The following RNF216 variants were observed in gnomAD, a reference collection of about 807,000 sequenced individuals.
RNF216 encodes ring finger protein 216.
In RNF216, 72 loss-of-function variants were observed where a neutral mutation model predicts 110.8. The observed-to-expected ratio is 0.65, with a 90% CI of 0.54 to 0.79. RNF216 has a LOEUF of 0.79. Ranked by LOEUF, RNF216 falls within the 30% of genes least tolerant of loss-of-function variation. The probability of loss-of-function intolerance (pLI) is 0.00; values close to 1 mark genes in which losing one functional copy is unlikely to be tolerated. For missense variants in RNF216, 1,342 were observed against 1,141.2 expected (o/e 1.18, Z -2.54); for synonymous variants, 495 against 407.5 (o/e 1.21, Z -2.59).
At chr7:5,727,527 G>C (rs1793834279) in intron 7 of RNF216, among the ~76,000 whole-genome samples, 1 of 152,140 alleles carries the variant, frequency 6.6e-6, no homozygotes, top group South Asian at 2.1e-4. Flanking sequence ...AGGAGTTCAA[G>C]ACCAGCCTGC....
chr7:5,781,217 A>G (rs1317043753), intron 1 of RNF216, among the ~76,000 whole-genome samples: 1 of 152,062 alleles, frequency 6.6e-6, no homozygotes, highest in Non-Finnish European at 1.5e-5. Flanking sequence ...GGGGGAGGGA[A>G]GCGCGGTCTC....
At chr7:5,738,665 A>G (rs1198592477) in intron 5 of RNF216, among the ~76,000 whole-genome samples, 3 of 136,028 alleles carry the variant, frequency 2.2e-5, no homozygotes, top group Non-Finnish European at 4.6e-5. Context: ...CCGAGATCGC[A>G]CCACTGGACT....
At chr7:5,636,757 T>A (rs1787420417) in intron 15 of RNF216, among the ~76,000 whole-genome samples, 2 of 152,194 alleles carry the variant, frequency 1.3e-5, no homozygotes, top group South Asian at 4.1e-4. Context: ...TTGGAGGGAT[T>A]TGTATTTGCC....
chr7:5,764,668 C>A (rs753645952), intron 1 of RNF216, among the ~76,000 whole-genome samples: 13 of 151,328 alleles, frequency 8.6e-5, no homozygotes, highest in Non-Finnish European at 1.8e-4. Context: ...AAAGACTCTT[C>A]ATAAGAAGCA....
At chr7:5,716,512 T>C (rs527257848) in intron 10 of RNF216, among the ~76,000 whole-genome samples, 9 of 152,148 alleles carry the variant, frequency 5.9e-5, no homozygotes, top group Admixed American at 3.9e-4. Context: ...GAACATCTAT[T>C]ATCTTCCCTT....
chr7:5,722,628 G>A (rs1429760703), intron 8 of RNF216, among the ~76,000 whole-genome samples: 2 of 151,848 alleles, frequency 1.3e-5, no homozygotes, highest in Non-Finnish European at 1.5e-5. Context: ...CCGACCTCGT[G>A]ATCCGCCTGC....
chr7:5,639,690 C>T (rs1001299876), intron 15 of RNF216, among the ~76,000 whole-genome samples: 5 of 152,006 alleles, frequency 3.3e-5, no homozygotes, highest in African/African-American at 1.2e-4. Context: ...GAACTCCTGA[C>T]CTCAGGTGAT....
At position 5,752,983 on chromosome 7, in the gene RNF216, C is replaced by A; in HGVS notation, c.68-4G>T. ...CCATCTCGGAGATTGATCCACTCTA[C>A]AGGAAAGCAGAGAACACTGTTACTG... On this transcript the variant is annotated splice_region_variant and splice_polypyrimidine_tract_variant and intron_variant, in intron 2 of 16. Transcript: ENST00000389902. 1 of 1,606,486 alleles carries A rather than the reference C, an allele frequency of 6.2e-7. No homozygotes were observed.
At chr7:5,648,892 C>T (rs1788213566) in intron 14 of RNF216, among the ~76,000 whole-genome samples, 5 of 152,048 alleles carry the variant, frequency 3.3e-5, no homozygotes. Flanking sequence ...CTGCAGTACA[C>T]ATGTAAAGCT....
chr7:5,739,598 T>C, intron 4 of RNF216: 1 of 583,428 alleles, frequency 1.7e-6, no homozygotes. Context: ...CATTCTTCAT[T>C]GCTTCAACAA....
intron 13 of RNF216, among the ~76,000 whole-genome samples, chr7:5,682,410 TTC>T (rs1487348324): frequency 6.6e-6 from 1 of 151,394 alleles, no homozygotes; most frequent in South Asian, 2.1e-4. Flanking sequence ...TTCATTTTTT[TTC>T]TTTTTTTTTT....
chr7:5,669,759 T>C (rs571709550), intron 13 of RNF216, among the ~76,000 whole-genome samples: 105 of 152,210 alleles, frequency 6.9e-4, no homozygotes, highest in Non-Finnish European at 1.2e-3. Flanking sequence ...CGACATGGTG[T>C]TGTGCACTTG....
chr7:5,737,075 A>G (rs1325996022), intron 5 of RNF216, among the ~76,000 whole-genome samples: 1 of 152,278 alleles, frequency 6.6e-6, no homozygotes, highest in African/African-American at 2.4e-5. Flanking sequence ...GCTGTGTCGA[A>G]TAGAAAAGGG....
intron 15 of RNF216, among the ~76,000 whole-genome samples, chr7:5,627,540 G>A (rs555258014): frequency 1.3e-5 from 2 of 152,302 alleles, no homozygotes; most frequent in East Asian, 3.9e-4. Flanking sequence ...GAGGTCAGGA[G>A]ATAGAGATCA....
chr7:5,679,429 G>A (rs1199117259), intron 13 of RNF216, among the ~76,000 whole-genome samples: 5 of 152,246 alleles, frequency 3.3e-5, no homozygotes, highest in East Asian at 1.9e-4. Context: ...GGATGCAGGC[G>A]CTGAGCGCAC....
intron 1 of RNF216, among the ~76,000 whole-genome samples, 154 bp downstream of exon 1, chr7:5,781,387 C>T (rs1020731362): frequency 1.3e-5 from 2 of 151,886 alleles, no homozygotes; most frequent in African/African-American, 4.8e-5. Context: ...CCCGATCCCG[C>T]CCGGGCCTCG....
chr7:5,655,878 C>G (rs1294728868), intron 13 of RNF216, among the ~76,000 whole-genome samples: 1 of 151,868 alleles, frequency 6.6e-6, no homozygotes, highest in African/African-American at 2.4e-5. Context: ...TTTTTTTGAG[C>G]CAGGGTCTCA....
At chr7:5,753,463 T>C (rs890292558) in intron 2 of RNF216, among the ~76,000 whole-genome samples, 1 of 152,258 alleles carries the variant, frequency 6.6e-6, no homozygotes, top group South Asian at 2.1e-4. Flanking sequence ...CAAACCTATG[T>C]CAATGCTTTA....
At chr7:5,679,256 G>A (rs1367542900) in intron 13 of RNF216, among the ~76,000 whole-genome samples, 1 of 152,194 alleles carries the variant, frequency 6.6e-6, no homozygotes, top group Admixed American at 6.5e-5. Flanking sequence ...ACAGGCATCT[G>A]AACATGGCCA....
Sources: allele counts gnomAD v4.1 joint callset (sites outside exome capture counted in the v4.1 genomes callset), GRCh38; gene constraint gnomAD v4.1.1; transcripts MANE v1.5; gene names NCBI Gene and HGNC (gene_info 2026-07-23, HGNC 2026-07-21).